The following RRBP1 variants were observed in gnomAD, a reference collection of about 807,000 sequenced individuals.
RRBP1 encodes ribosome-binding protein 1.
A neutral mutation model predicts 165.2 loss-of-function variants in RRBP1; 94 were observed. That is an observed-to-expected ratio of 0.57 (90% CI 0.48 to 0.68). The LOEUF (loss-of-function observed/expected upper bound fraction) is 0.68. Among genes scored for constraint, RRBP1 ranks in the 30% least tolerant of loss-of-function variants. The pLI, the probability that RRBP1 is intolerant of heterozygous loss-of-function variation, is 0.00. For missense variants in RRBP1, 1,676 were observed against 1,763.0 expected (o/e 0.95, Z 0.88); for synonymous variants, 680 against 714.5 (o/e 0.95, Z 0.77).
intron 19 of RRBP1, 27 bp from the exon 20 acceptor site, chr20:17,618,706 TG>T: frequency 6.3e-7 from 1 of 1,577,986 alleles, no homozygotes; most frequent in Non-Finnish European, 8.7e-7. Context: ...AGGCGGGTGA[TG>T]GGAAAAAAGG....
In RRBP1 at chr20:17,642,834, C is replaced by T. The variant is rs140358159; in HGVS notation, c.2061+145G>A. 605 of 898,586 alleles carry T rather than the reference C, an allele frequency of 6.7e-4. 7 individuals are homozygous for T. The East Asian group carries it at 0.016, about 23-fold the overall frequency. The allele number at this position is 898,586 out of a possible 1,614,324, so 55.7% of individuals were successfully genotyped here. On this transcript the variant is annotated intron_variant, in intron 4 of 24. Coordinates refer to ENST00000377813, the MANE Select transcript of RRBP1 (RefSeq NM_001365613.2). ...TGACAGAAGCCAAAGCACCTGCGAG[C>T]GATCCCTCGGGGTGGCAGAATTCTG...
chr20:17,614,155 A>G lies in RRBP1; in HGVS notation c.*27T>C, dbSNP rs771881248. On this transcript the variant is annotated 3_prime_UTR_variant, in exon 25 of 25. Transcript: ENST00000377813. ...TGTAAGGCATTTTGGTAAGTTGAAC[A>G]GTAACTTCTTTTTCCAAAGAGGAAA... The G allele has an allele frequency of 1.2e-6, 2 of 1,612,362 alleles. No individual in the cohort carries two copies. The highest frequency in any genetic ancestry group is 2.2e-5 in the East Asian group (1 of 44,844).
At chr20:17,669,520 C>G (rs1483759569) in intron 2 of RRBP1, among the ~76,000 whole-genome samples, 1 of 152,190 alleles carries the variant, frequency 6.6e-6, no homozygotes, top group Non-Finnish European at 1.5e-5. Context: ...TCAAATCAAA[C>G]CTCACCACAT....
chr20:17,646,926 T>G (rs2036474032), intron 3 of RRBP1, among the ~76,000 whole-genome samples: 2 of 152,160 alleles, frequency 1.3e-5, no homozygotes, highest in African/African-American at 4.8e-5. Flanking sequence ...CATCAGCTGC[T>G]GGAGCACCCC....
intron 5 of RRBP1, among the ~76,000 whole-genome samples, chr20:17,637,929 A>G (rs557033857): frequency 1.3e-5 from 2 of 152,276 alleles, no homozygotes; most frequent in East Asian, 3.9e-4. Context: ...GAGGATTACA[A>G]TCCCCATCCA....
rs1249524992 is a variant in RRBP1, at chr20:17,659,845, C to G, written c.663G>C (p.Lys221Asn). The change falls in exon 3 of 25, where the codon AAG becomes AAC. Residue 221 changes from lysine (K) to asparagine (N), a missense_variant. Around this residue, in one of 5 missense-constraint regions of RRBP1, gnomAD observed 392 missense variants for 382.5 expected, o/e 1.02. Coordinates refer to ENST00000377813, the MANE Select transcript of RRBP1 (RefSeq NM_001365613.2). ...KAEGAPNQGR[K>N]AEGTPNQGKK... ...TGCCCTGGTTTGGGGTTCCCTCTGCCTTTCTGCCCTGGTTTGGGGCTCCTT... is the reference window on the plus strand; with the variant it reads ...TGCCCTGGTTTGGGGTTCCCTCTGCGTTTCTGCCCTGGTTTGGGGCTCCTT... The G allele has an allele frequency of 6.4e-7, 1 of 1,551,496 alleles. No homozygotes were observed. The highest frequency in any genetic ancestry group is 8.7e-7 in the Non-Finnish European group (1 of 1,147,012).
At chr20:17,662,601 T>G (rs1421020300) in intron 2 of RRBP1, among the ~76,000 whole-genome samples, 1 of 152,178 alleles carries the variant, frequency 6.6e-6, no homozygotes, top group Non-Finnish European at 1.5e-5. Context: ...AGTGACAGTG[T>G]GATCCACAGC....
At position 17,659,723 on chromosome 20, in the gene RRBP1, G is replaced by A. The variant is rs150552904; in HGVS notation, c.785C>T (p.Ala262Val). 346 of 1,550,496 alleles carry A rather than the reference G, an allele frequency of 2.2e-4. 4 individuals carry two copies. The African/African-American group carries it at 4.1e-3, about 18-fold the overall frequency. ...AEGTPNQGKKAEGAQNQGKKV... is the reference protein window; with the variant it reads ...AEGTPNQGKKVEGAQNQGKKV... ...TTTACCCTGGTTCTGGGCCCCCTCC[G>A]CCTTTTTGCCTTGGTTTGGGGTTCC... The change falls in exon 3 of 25, where the codon GCG becomes GTG. Residue 262 changes from alanine to valine, a missense_variant. Physicochemically the swap from Ala to Val is moderately conservative, Grantham distance 64. Around this residue, in one of 5 missense-constraint regions of RRBP1, gnomAD observed 392 missense variants for 382.5 expected, o/e 1.02. Transcript: ENST00000377813.
At chr20:17,625,746 A>C (rs2036005999) in intron 11 of RRBP1, 144 bp from the exon 12 acceptor site, 4 of 638,534 alleles carry the variant, frequency 6.3e-6, no homozygotes, top group South Asian at 1.9e-5. Flanking sequence ...CCCCCACCTC[A>C]CCCAGCGTGA....
At chr20:17,662,703 G>A (rs979480348) in intron 2 of RRBP1, among the ~76,000 whole-genome samples, 3 of 151,910 alleles carry the variant, frequency 2.0e-5, no homozygotes, top group Non-Finnish European at 4.4e-5. Flanking sequence ...AAAGGAAATC[G>A]CACCCTGCTC....
Position 17,614,191 on chromosome 20 carries a change from G to C in RRBP1, c.4224C>G (p.Thr1408=), listed in dbSNP as rs767872272. ...AEDGSSSKEG[T]SV is the part of the protein sequence containing the mutation. ...TTTCCAAAGAGGAAACTCAGACAGA[G>C]GTGCCCTCCTTTGAGCTGCTGCCGT... The change falls in exon 25 of 25, where the codon ACC becomes ACG. Residue 1408 remains threonine, a synonymous_variant. Transcript: ENST00000377813. The C allele has an allele frequency of 1.2e-6, 2 of 1,613,950 alleles. No homozygotes were observed. Among genetic ancestry groups the C allele is most frequent in the Admixed American group, 3.3e-5 (2 of 60,032 alleles).
rs1292669447 is a variant in RRBP1, at chr20:17,614,632, C to T, written c.4194+105G>A. 5.5e-6 allele frequency: 8 copies of T among 1,449,496 alleles called. No homozygotes were observed. In the East Asian group the frequency reaches 1.9e-4, roughly 34 times the overall value. The allele number at this position is 1,449,496 out of a possible 1,614,324, so 89.8% of individuals were successfully genotyped here. On this transcript the variant is annotated intron_variant, in intron 24 of 24. Transcript: ENST00000377813. ...CCCTGGGGCTCCCAGCCCAGCGCTC[C>T]CAGCAGCTTGACGACTCCGCCCAGC...
intron 8 of RRBP1, 50 bp from the exon 9 acceptor site, chr20:17,630,011 C>T (rs1568761757): frequency 7.7e-6 from 12 of 1,563,466 alleles, no homozygotes; most frequent in Non-Finnish European, 9.5e-6. Flanking sequence ...AGGACCAGGC[C>T]CTCAGCGGCT....
At position 17,643,033 on chromosome 20, in the gene RRBP1, C is replaced by A; in HGVS notation, c.2007G>T (p.Arg669=). 6.2e-7 allele frequency: 1 copy of A among 1,614,106 alleles called. No individual in the cohort carries two copies. Among genetic ancestry groups the A allele is most frequent in the Non-Finnish European group, 8.5e-7 (1 of 1,180,028 alleles). ...SMVFNEGEAQ[R]LIEILSEKAG... ...CCTTCTCAGACAGGATCTCGATGAG[C>A]CGCTGGGCCTCGCCCTCGTTGAACA... is the stretch of plus-strand genomic sequence containing the variant. The change falls in exon 4 of 25, where the codon CGG becomes CGT. Residue 669 remains arginine (R), a synonymous_variant. Coordinates refer to ENST00000377813, the MANE Select transcript of RRBP1 (RefSeq NM_001365613.2). This position sits in a 1 kb window ranked among gnomAD's most constrained non-coding sequence, Gnocchi z 4.3.
Position 17,614,426 on chromosome 20 carries a change from G to A in RRBP1, c.4195-206C>T, listed in dbSNP as rs113201234. Among the ~76,000 whole-genome samples, 351 of 152,304 alleles carry A rather than the reference G, an allele frequency of 2.3e-3. 1 individual carries two copies. The highest frequency in any genetic ancestry group is 8.0e-3 in the African/African-American group (334 of 41,564). ...TGAGGGGAAACCATCATCCTGCAGG[G>A]CAGGGGCTGGAGCACTGGCTAAGGG... On this transcript the variant is annotated intron_variant, in intron 24 of 24. Coordinates refer to ENST00000377813, the MANE Select transcript of RRBP1 (RefSeq NM_001365613.2).
At position 17,643,322 on chromosome 20, in the gene RRBP1, C is replaced by T. The variant is rs527694688; in HGVS notation, c.1913-195G>A. On this transcript the variant is annotated intron_variant, in intron 3 of 24. Transcript: ENST00000377813. This position sits in a 1 kb window ranked among gnomAD's most constrained non-coding sequence, Gnocchi z 4.3. Reference sequence around the variant, plus strand: ...TCAGGACACCAAGAAACTGACTCAACGATAGGTCCCTGCACCGTCCTAACT... The same window carrying T: ...TCAGGACACCAAGAAACTGACTCAATGATAGGTCCCTGCACCGTCCTAACT... 5.3e-5 allele frequency among the ~76,000 whole-genome samples: 8 copies of T among 152,180 alleles called. No individual in the cohort carries two copies. Among genetic ancestry groups the T allele is most frequent in the Admixed American group, 2.6e-4 (4 of 15,294 alleles).
chr20:17,663,123 C>T (rs1478445400), intron 2 of RRBP1, among the ~76,000 whole-genome samples: 2 of 152,226 alleles, frequency 1.3e-5, no homozygotes, highest in Non-Finnish European at 2.9e-5. Context: ...CGTTTCCCAA[C>T]AACCATGTGC....
chr20:17,669,072 AATTT>A (rs2036925440), intron 2 of RRBP1, among the ~76,000 whole-genome samples: 1 of 152,182 alleles, frequency 6.6e-6, no homozygotes, highest in Non-Finnish European at 1.5e-5. Context: ...AGTCCGAAAA[AATTT>A]ATTTCATTTC....
At position 17,627,595 on chromosome 20, in the gene RRBP1, G is replaced by GC; in HGVS notation, c.2836dup (p.Ala946GlyfsTer16). On this transcript the variant is annotated frameshift_variant, in exon 10 of 25. Coordinates refer to ENST00000377813, the MANE Select transcript of RRBP1 (RefSeq NM_001365613.2). LOFTEE classifies it high-confidence loss of function. ...TGTGAGCTGGGAGTTCTCCGCCCTG[G>GC]CCTCCTGGAGCTGCCCGTGGAGGCC... The GC allele has an allele frequency of 6.2e-7, 1 of 1,613,512 alleles. No homozygotes were observed. The highest frequency in any genetic ancestry group is 8.5e-7 in the Non-Finnish European group (1 of 1,179,920).
Sources: gnomAD v4.1 joint callset for allele counts (sites outside exome capture counted in the v4.1 genomes callset) on GRCh38, gnomAD v4.1.1 for gene constraint, gnomAD v4.1.1 regional missense constraint, Gnocchi (gnomAD v3.1) non-coding constraint, MANE v1.5 for transcripts, NCBI Gene and HGNC (gene_info 2026-07-23, HGNC 2026-07-21) for gene names.